Variants in DNAAF6 observed in about 807,000 individuals in gnomAD.
DNAAF6 encodes the protein PIH1 domain containing 3.
A neutral mutation model predicts 13.7 loss-of-function variants in DNAAF6; 3 were observed. That is an observed-to-expected ratio of 0.22 (90% confidence interval 0.10 to 0.56). The LOEUF is 0.56. DNAAF6 is among the 20% of genes least tolerant of loss of function. DNAAF6 has a pLI of 0.92. For synonymous variants in DNAAF6, 54 were observed against 49.2 expected, an observed-to-expected ratio of 1.10 and a Z score of -0.41; for missense variants, 130 against 151.0, an observed-to-expected ratio of 0.86 and a Z score of 0.73.
At chrX:107,226,354 C>T (rs902887743) in intron 5 of DNAAF6, among the ~76,000 whole-genome samples, 1 of 111,613 alleles carries the variant, frequency 9.0e-6, no homozygotes, top group African/African-American at 3.3e-5. Flanking sequence ...TCCCTCTCCC[C>T]AAAGCTCTCA....
chrX:107,225,168 A>G (rs5962389), intron 5 of DNAAF6, among the ~76,000 whole-genome samples: 33,410 of 108,558 alleles, frequency 0.31, 5,094 homozygotes, highest in African/African-American at 0.56. Context: ...GACTCTCAAA[A>G]AAGATAAAAG....
intron 1 of DNAAF6, among the ~76,000 whole-genome samples, chrX:107,211,328 G>T (rs187956333): frequency 1.8e-5 from 2 of 111,627 alleles, no homozygotes; most frequent in African/African-American, 6.5e-5. Context: ...TGTCATGATT[G>T]ATTTATTTAT....
intron 1 of DNAAF6, among the ~76,000 whole-genome samples, chrX:107,210,299 T>G (rs1927823397): frequency 8.9e-6 from 1 of 112,448 alleles, no homozygotes; most frequent in African/African-American, 3.2e-5. Flanking sequence ...TTACTGAAAC[T>G]CTTAAATTTT....
At chrX:107,238,791 C>T in intron 5 of DNAAF6, 131 bp from the exon 6 acceptor site, 1 of 1,026,581 alleles carries the variant, frequency 9.7e-7, no homozygotes. Context: ...TCAAGATTGA[C>T]ATAAAGATAG....
intron 5 of DNAAF6, among the ~76,000 whole-genome samples, chrX:107,228,553 A>C (rs1031257089): frequency 9.0e-6 from 1 of 110,567 alleles, no homozygotes; most frequent in South Asian, 3.9e-4. Context: ...AACAGTAAAA[A>C]AAAAAAAGTA....
At chrX:107,225,589 CCT>C (rs902815657) in intron 5 of DNAAF6, among the ~76,000 whole-genome samples, 2 of 110,868 alleles carry the variant, frequency 1.8e-5, no homozygotes, top group African/African-American at 6.5e-5. Context: ...AAGAAAAAAT[CCT>C]TACTTAAACC....
chrX:107,214,138 A>C (rs1927922374), intron 2 of DNAAF6, among the ~76,000 whole-genome samples: 1 of 111,697 alleles, frequency 9.0e-6, no homozygotes, highest in African/African-American at 3.2e-5. Context: ...AGGAAGTTTT[A>C]GTCAGGGAAA....
chrX:107,231,540 C>CATATG (rs1462689855), intron 5 of DNAAF6, among the ~76,000 whole-genome samples: 1 of 111,158 alleles, frequency 9.0e-6, no homozygotes, highest in African/African-American at 3.3e-5. Flanking sequence ...TTGTGAAGAT[C>CATATG]ATATGATTTT....
intron 5 of DNAAF6, among the ~76,000 whole-genome samples, chrX:107,235,495 G>A (rs922557601): frequency 3.6e-5 from 4 of 111,258 alleles, no homozygotes; most frequent in African/African-American, 1.3e-4. Flanking sequence ...CTTTACTCTG[G>A]GGAGAATACA....
In DNAAF6 at chrX:107,216,736, G is replaced by T; in HGVS notation, c.219G>T (p.Glu73Asp). 8.4e-7 allele frequency: 1 copy of T among 1,183,667 alleles called. No homozygotes were observed. The highest frequency in any genetic ancestry group is 1.1e-6 in the Non-Finnish European group (1 of 873,556). Reference sequence around the variant, plus strand: ...ATATTGGACCACCCCAAATAGAAGAGCTCAAAGGTAAGTTATTTAACAAAG... The same window carrying T: ...ATATTGGACCACCCCAAATAGAAGATCTCAAAGGTAAGTTATTTAACAAAG... Reference protein sequence around the residue: ...PGNIGPPQIEELKVIPETSEE... With the variant: ...PGNIGPPQIEDLKVIPETSEE... Residue 73 changes from glutamate to aspartate, a missense_variant, in exon 3 of 7, where the codon GAG becomes GAT. Glu to Asp is a conservative substitution (Grantham distance 45). Coordinates refer to ENST00000372453, the MANE Select transcript of DNAAF6 (RefSeq NM_173494.2).
chrX:107,212,389 C>T (rs1927875659), intron 1 of DNAAF6, among the ~76,000 whole-genome samples: 1 of 111,018 alleles, frequency 9.0e-6, no homozygotes. Context: ...GAACTGTACC[C>T]CACCTTCTAT....
intron 2 of DNAAF6, among the ~76,000 whole-genome samples, chrX:107,213,818 A>G (rs1927916514): frequency 8.9e-6 from 1 of 112,259 alleles, no homozygotes; most frequent in South Asian, 3.7e-4. Flanking sequence ...ATCCCATATC[A>G]TAACAGAATC....
At chrX:107,212,061 A>G (rs540651072) in intron 1 of DNAAF6, among the ~76,000 whole-genome samples, 3 of 111,893 alleles carry the variant, frequency 2.7e-5, no homozygotes, top group African/African-American at 9.7e-5. Flanking sequence ...TGCAGTTATT[A>G]AAGACACTAA....
chrX:107,232,800 T>C (rs780104204), intron 5 of DNAAF6, among the ~76,000 whole-genome samples: 2 of 111,276 alleles, frequency 1.8e-5, no homozygotes, highest in South Asian at 7.7e-4. Context: ...TGGAGTGCAG[T>C]AGTGTGATCT....
At chrX:107,216,846 A>T (rs1421381572) in intron 3 of DNAAF6, 103 bp downstream of exon 3, 2 of 521,587 alleles carry the variant, frequency 3.8e-6, no homozygotes, top group Non-Finnish European at 5.9e-6. Flanking sequence ...ATTAAGATGA[A>T]CTAAATAACA....
At chrX:107,235,936 G>A (rs1928503685) in intron 5 of DNAAF6, among the ~76,000 whole-genome samples, 1 of 107,302 alleles carries the variant, frequency 9.3e-6, no homozygotes, top group Admixed American at 1.0e-4. Flanking sequence ...AGACCAGCCC[G>A]AGCAATATAG....
chrX:107,208,101 A>G (rs1927754304), intron 1 of DNAAF6, among the ~76,000 whole-genome samples: 1 of 111,388 alleles, frequency 9.0e-6, no homozygotes, highest in Non-Finnish European at 1.9e-5. Context: ...TACAGATACC[A>G]AGGATTTGCC....
chrX:107,214,893 A>G (rs1393279532), intron 2 of DNAAF6, among the ~76,000 whole-genome samples: 1 of 111,829 alleles, frequency 8.9e-6, no homozygotes, highest in Non-Finnish European at 1.9e-5. Context: ...TCCCTTTTCT[A>G]TATGACTTGT....
At chrX:107,221,304 G>A (rs191835387) in intron 4 of DNAAF6, among the ~76,000 whole-genome samples, 3,648 of 107,175 alleles carry the variant, frequency 0.034, 178 homozygotes, top group African/African-American at 0.12. Flanking sequence ...GCCAACCACC[G>A]CCCCCCCGGC....
Sources: allele counts gnomAD v4.1 joint callset (sites outside exome capture counted in the v4.1 genomes callset), GRCh38; gene constraint gnomAD v4.1.1; transcripts MANE v1.5; gene names NCBI Gene and HGNC (gene_info 2026-07-23, HGNC 2026-07-21).